The following RHD variants were observed in gnomAD, a reference collection of about 807,000 sequenced individuals.
RHD encodes Rh blood group D antigen.
A neutral mutation model predicts 45.5 loss-of-function variants in RHD; 16 were observed. That is an observed-to-expected ratio of 0.35 (90% CI 0.24 to 0.53). The LOEUF (loss-of-function observed/expected upper bound fraction) is 0.53. RHD is among the 20% of genes least tolerant of loss of function. RHD has a pLI of 0.92. For synonymous variants in RHD, 131 were observed against 217.5 expected (o/e 0.60, Z 3.50); for missense variants, 306 against 532.0 (o/e 0.58, Z 4.18).
chr1:25,312,547 C>A (rs1346870382), intron 7 of RHD, among the ~76,000 whole-genome samples: 2 of 129,682 alleles, frequency 1.5e-5, no homozygotes, highest in Non-Finnish European at 3.6e-5. Context: ...GAGCTCAAGA[C>A]CAGCCTGGGC....
rs1205737381 is a variant in RHD at position 25,300,764 on chromosome 1, G to A, written c.487-182G>A. 3.0e-5 allele frequency among the ~76,000 whole-genome samples: 4 copies of A among 132,044 alleles called. 1 individual carries two copies. Among genetic ancestry groups the A allele is most frequent in the Admixed American group, 7.3e-5 (1 of 13,674 alleles). The allele number at this position is 132,044 out of a possible 152,430, so 86.6% of individuals were successfully genotyped here. The stretch of plus-strand genomic sequence containing the variant: ...GCAAATGTTCCAGTGAGCCGAGATC[G>A]TGCCATTGCACTCCAGCCTGGGCAG... On this transcript the variant is annotated intron_variant, in intron 3 of 9. Coordinates refer to ENST00000328664, the MANE Select transcript of RHD (RefSeq NM_016124.6).
intron 6 of RHD, among the ~76,000 whole-genome samples, chr1:25,305,909 T>C (rs1643788427): frequency 1.5e-5 from 2 of 131,814 alleles, no homozygotes; most frequent in African/African-American, 2.6e-5. Flanking sequence ...ACCTGGATTT[T>C]TATTCTGAAG....
rs558847092 is a variant in RHD at position 25,274,506 on chromosome 1, C to T, written c.148+1811C>T. The stretch of plus-strand genomic sequence containing the variant: ...CAGAAACTCACTTTATACGGAAGCT[C>T]AGAGGAGGGTCCACAACCCAGGCAG... On this transcript the variant is annotated intron_variant, in intron 1 of 9. Transcript: ENST00000328664. Among the ~76,000 whole-genome samples the T allele has an allele frequency of 2.0e-4, 26 of 132,600 alleles. 3 individuals are homozygous for T. The highest frequency in any genetic ancestry group is 5.6e-4 in the African/African-American group (22 of 38,940). 87.0% of individuals were successfully genotyped at this position (132,600 alleles called of 152,430 possible).
rs1201634284 is a variant in RHD, at chr1:25,316,449, G to A, written c.1074-551G>A. On this transcript the variant is annotated intron_variant, in intron 7 of 9. Transcript: ENST00000328664. ...ACCCTGGTCAACATGGTGAAACCCCGTCTCTATTAATAATACAAAAATTAT... is the reference window on the plus strand; with the variant it reads ...ACCCTGGTCAACATGGTGAAACCCCATCTCTATTAATAATACAAAAATTAT... 1.6e-5 allele frequency among the ~76,000 whole-genome samples: 2 copies of A among 125,858 alleles called. 1 individual carries two copies. The highest frequency in any genetic ancestry group is 3.7e-5 in the Non-Finnish European group (2 of 53,614). 82.6% of individuals were successfully genotyped at this position (125,858 alleles called of 152,430 possible).
At chr1:25,313,152 C>A (rs1449749909) in intron 7 of RHD, among the ~76,000 whole-genome samples, 1 of 126,358 alleles carries the variant, frequency 7.9e-6, no homozygotes, top group African/African-American at 2.7e-5. Context: ...GGGTGGGGCC[C>A]CTATGATGAG....
chr1:25,299,640 G>C (rs1477625962), intron 3 of RHD, among the ~76,000 whole-genome samples: 2 of 130,696 alleles, frequency 1.5e-5, no homozygotes, highest in Admixed American at 1.5e-4. Context: ...CGAGAGGTCA[G>C]GTGAGAGTGG....
chr1:25,312,513 G>A (rs968742536), intron 7 of RHD, among the ~76,000 whole-genome samples: 3 of 130,610 alleles, frequency 2.3e-5, no homozygotes, highest in Non-Finnish European at 5.4e-5. Flanking sequence ...GGGAGGTTGA[G>A]GTGGGAGGAT....
rs116430606 is a variant in RHD at position 25,289,888 on chromosome 1, T to C, written c.336-753T>C. Among the ~76,000 whole-genome samples, 986 of 129,184 alleles carry C rather than the reference T, an allele frequency of 7.6e-3. 159 individuals carry two copies. The highest frequency in any genetic ancestry group is 0.025 in the African/African-American group (924 of 37,192). The allele number at this position is 129,184 out of a possible 152,430, so 84.7% of individuals were successfully genotyped here. A position where few individuals can be genotyped will look rare whatever the true frequency, so the allele number is the denominator to read the frequency against. On this transcript the variant is annotated intron_variant, in intron 2 of 9. Coordinates refer to ENST00000328664, the MANE Select transcript of RHD (RefSeq NM_016124.6). ...AATAATTTTCTACTCCTGAGCATGC[T>C]CATTGGTCAAAGGAAGGAAGGAATC...
Position 25,301,122 on chromosome 1 carries a change from C to T in RHD, c.634+29C>T, listed in dbSNP as rs199501184. 10 of 1,370,744 alleles carry T rather than the reference C, an allele frequency of 7.3e-6. No homozygotes were observed. In the East Asian group the frequency reaches 2.2e-4, roughly 31 times the overall value. The allele number at this position is 1,370,744 out of a possible 1,614,324, so 84.9% of individuals were successfully genotyped here. A position where few individuals can be genotyped will look rare whatever the true frequency, so the allele number is the denominator to read the frequency against. Reference sequence around the variant, plus strand: ...AGGACAAGGTGGGGTGAGTGGTCTCCTACTTGGGCTGAGCAGAATGGCTCA... The same window carrying T: ...AGGACAAGGTGGGGTGAGTGGTCTCTTACTTGGGCTGAGCAGAATGGCTCA... On this transcript the variant is annotated intron_variant, in intron 4 of 9. Transcript: ENST00000328664.
rs1643935049 is a variant in RHD, at chr1:25,307,873, C to CT, written c.1073+1145dup. 3 of 1,267,666 alleles carry CT rather than the reference C, an allele frequency of 2.4e-6. No homozygotes were observed. In the East Asian group the frequency reaches 7.4e-5, roughly 31 times the overall value. 78.5% of individuals were successfully genotyped at this position (1,267,666 alleles called of 1,614,324 possible). On this transcript the variant is annotated intron_variant, in intron 7 of 9. Transcript: ENST00000328664. ...ATGAGCTGTGTGAAGCAAGGCGCCT[C>CT]TGTGATGGGTTCCAGTGATGTGTCT...
rs636443 is a variant in RHD at position 25,293,397 on chromosome 1, T to G, written c.486+2606T>G. Among the ~76,000 whole-genome samples the G allele has an allele frequency of 1.8e-4, 23 of 130,650 alleles. 5 individuals carry two copies. The highest frequency in any genetic ancestry group is 5.4e-5 in the Non-Finnish European group (3 of 55,360). 85.7% of individuals were successfully genotyped at this position (130,650 alleles called of 152,430 possible). A position where few individuals can be genotyped will look rare whatever the true frequency, so the allele number is the denominator to read the frequency against. On this transcript the variant is annotated intron_variant, in intron 3 of 9. Transcript: ENST00000328664. ...ATTTTATTTAAAAAAATTATTTTCA[T>G]AGAATACATTTTCACATTAGAGATT... is the stretch of plus-strand genomic sequence containing the variant.
intron 1 of RHD, among the ~76,000 whole-genome samples, chr1:25,273,206 G>T (rs2124579707): frequency 7.8e-6 from 1 of 128,824 alleles, no homozygotes; most frequent in Admixed American, 7.6e-5. Flanking sequence ...CATGATCATG[G>T]TTCACTGCAG....
At chr1:25,304,505 C>T (rs530592769) in intron 6 of RHD, 2 of 128,228 alleles carry the variant, frequency 1.6e-5, no homozygotes, top group African/African-American at 2.7e-5. Context: ...GGCTGAGACA[C>T]GAGAATCACT....
chr1:25,323,574 C>A (rs1211786849), intron 9 of RHD, among the ~76,000 whole-genome samples: 2 of 125,796 alleles, frequency 1.6e-5, no homozygotes, highest in African/African-American at 5.5e-5. Context: ...ATCCTCCCCC[C>A]TCAGCCTCCT....
At chr1:25,312,919 C>CT (rs1288269238) in intron 7 of RHD, among the ~76,000 whole-genome samples, 261 of 3,626 alleles carry the variant, frequency 0.072, 53 homozygotes, top group Non-Finnish European at 0.23. Flanking sequence ...AATCCCATCT[C>CT]TAAAAAAAAA....
rs72660911 is a variant in RHD at position 25,296,614 on chromosome 1, C to G, written c.487-4332C>G. On this transcript the variant is annotated intron_variant, in intron 3 of 9. Coordinates refer to ENST00000328664, the MANE Select transcript of RHD (RefSeq NM_016124.6). ...ATCTCATCTCGAATTGTAATCCCCACGTGTTGAGGGCATGACCTCGTGGGA... is the reference window on the plus strand; with the variant it reads ...ATCTCATCTCGAATTGTAATCCCCAGGTGTTGAGGGCATGACCTCGTGGGA... Among the ~76,000 whole-genome samples, 21 of 131,498 alleles carry G rather than the reference C, an allele frequency of 1.6e-4. 4 individuals are homozygous for G. Among genetic ancestry groups the G allele is most frequent in the African/African-American group, 5.2e-4 (20 of 38,096 alleles). 86.3% of individuals were successfully genotyped at this position (131,498 alleles called of 152,430 possible).
Position 25,281,326 on chromosome 1 carries a change from G to A in RHD, c.149-3247G>A, listed in dbSNP as rs1429302187. ...CAATGTACAATTCTCCTCTGGGCCCGGTCATGAGCGCCCCTCACAGGCTCT... is the reference window on the plus strand; with the variant it reads ...CAATGTACAATTCTCCTCTGGGCCCAGTCATGAGCGCCCCTCACAGGCTCT... On this transcript the variant is annotated intron_variant, in intron 1 of 9. Transcript: ENST00000328664. 2.2e-4 allele frequency among the ~76,000 whole-genome samples: 28 copies of A among 129,750 alleles called. 9 individuals carry two copies. Among genetic ancestry groups the A allele is most frequent in the Admixed American group, 3.0e-4 (4 of 13,410 alleles). 85.1% of individuals were successfully genotyped at this position (129,750 alleles called of 152,430 possible). A position where few individuals can be genotyped will look rare whatever the true frequency, so the allele number is the denominator to read the frequency against.
At chr1:25,281,480 T>C (rs1641484337) in intron 1 of RHD, among the ~76,000 whole-genome samples, 2 of 131,934 alleles carry the variant, frequency 1.5e-5, no homozygotes, top group African/African-American at 5.2e-5. Context: ...CAATCGTGTT[T>C]AATAAAAGGT....
In RHD at chr1:25,287,930, T is replaced by G. The variant is rs1266945479; in HGVS notation, c.336-2711T>G. Among the ~76,000 whole-genome samples, 4 of 131,688 alleles carry G rather than the reference T, an allele frequency of 3.0e-5. No homozygotes were observed. The East Asian group carries it at 7.8e-4, about 26-fold the overall frequency. The allele number at this position is 131,688 out of a possible 152,430, so 86.4% of individuals were successfully genotyped here. ...TAGACAAGGGGTTTCACCAGGTGGG[T>G]CAGGTTGGTCTGGAACTCCCGACCT... On this transcript the variant is annotated intron_variant, in intron 2 of 9. Transcript: ENST00000328664.
Sources: allele counts gnomAD v4.1 joint callset (sites outside exome capture counted in the v4.1 genomes callset), GRCh38; gene constraint gnomAD v4.1.1; transcripts MANE v1.5; gene names NCBI Gene and HGNC (gene_info 2026-07-23, HGNC 2026-07-21).